The following PLAGL1 variants were observed in gnomAD, a reference collection of about 807,000 sequenced individuals.
PLAGL1 encodes PLAG1 like zinc finger 1, also known as zinc finger protein PLAGL1.
Under a neutral mutation model 4.6 loss-of-function variants are expected in PLAGL1, and 1 was observed. The observed-to-expected ratio is 0.22, with a 90% confidence interval of 0.08 to 1.03. The LOEUF (loss-of-function observed/expected upper bound fraction) is 1.03. Ranked by LOEUF, PLAGL1 falls within the 50% of genes least tolerant of loss-of-function variation. The pLI is 0.58. For missense variants in PLAGL1, 464 were observed against 570.4 expected (o/e 0.81, Z 1.90); for synonymous variants, 240 against 237.8 (o/e 1.01, Z -0.08).
Position 143,972,447 on chromosome 6 carries a change from C to T in PLAGL1, c.-543-3469G>A, listed in dbSNP as rs929097342. ...ATGTTTCCTTGTGATAATCTCAAGA[C>T]TTTTTCTTTAGTGTGTTCTAAAAAG... is the stretch of plus-strand genomic sequence containing the variant. On this transcript the variant is annotated intron_variant, in intron 2 of 7. Transcript: ENST00000674357. This position sits in a 1 kb window ranked among gnomAD's most constrained non-coding sequence, Gnocchi z 6.8. Among the ~76,000 whole-genome samples, 2 of 152,138 alleles carry T rather than the reference C, an allele frequency of 1.3e-5. No individual in the cohort carries two copies. Among genetic ancestry groups the T allele is most frequent in the African/African-American group, 4.8e-5 (2 of 41,440 alleles).
At chr6:144,058,196 G>C (rs1200697570) in intron 1 of PLAGL1, among the ~76,000 whole-genome samples, 1 of 152,168 alleles carries the variant, frequency 6.6e-6, no homozygotes, top group Non-Finnish European at 1.5e-5. Context: ...GGCAGAAGGT[G>C]ACAGGGACCC....
rs1413522193 is a variant in PLAGL1 at position 143,971,242 on chromosome 6, T to C, written c.-543-2264A>G. Among the ~76,000 whole-genome samples, 2 of 152,310 alleles carry C rather than the reference T, an allele frequency of 1.3e-5. No individual in the cohort carries two copies. Among genetic ancestry groups the C allele is most frequent in the East Asian group, 1.9e-4 (1 of 5,192 alleles). On this transcript the variant is annotated intron_variant, in intron 2 of 7. Coordinates refer to ENST00000674357, the MANE Select transcript of PLAGL1 (RefSeq NM_001317162.2). The surrounding 1 kb of genome is among the most constrained non-coding windows in gnomAD (Gnocchi z 4.7). Reference sequence around the variant, plus strand: ...ACGTTATTTGTACAACCCATACAAATGCCCCTTCCTCTACGAGATTCCTCC... The same window carrying C: ...ACGTTATTTGTACAACCCATACAAACGCCCCTTCCTCTACGAGATTCCTCC...
chr6:143,982,245 G>GA lies in PLAGL1; in HGVS notation c.-544+2889dup, dbSNP rs1362561329. Among the ~76,000 whole-genome samples the GA allele has an allele frequency of 3.3e-5, 5 of 152,212 alleles. No individual in the cohort carries two copies. The highest frequency in any genetic ancestry group is 2.6e-4 in the Admixed American group (4 of 15,282). ...GTCAATTTAAAACAGGCTGGTCAGG[G>GA]AAAAAGGCATGGGTGAGAGGATGAC... is the stretch of plus-strand genomic sequence containing the variant. On this transcript the variant is annotated intron_variant, in intron 2 of 7. Coordinates refer to ENST00000674357, the MANE Select transcript of PLAGL1 (RefSeq NM_001317162.2). The surrounding 1 kb of genome is among the most constrained non-coding windows in gnomAD (Gnocchi z 5.3).
At position 144,022,609 on chromosome 6, in the gene PLAGL1, G is replaced by C. The variant is rs1429573645; in HGVS notation, c.-151+41859C>G. ...GCTGGTAATTGAATCATGGGGACAG[G>C]TCTTTCCCATGCTGTTCTCACAATA... On this transcript the variant is annotated intron_variant, in intron 1 of 3. Coordinates refer to the PLAGL1 transcript ENST00000437412. This position sits in a 1 kb window ranked among gnomAD's most constrained non-coding sequence, Gnocchi z 4.2. Among the ~76,000 whole-genome samples, 1 of 152,152 alleles carries C rather than the reference G, an allele frequency of 6.6e-6. No individual in the cohort carries two copies. The highest frequency in any genetic ancestry group is 1.5e-5 in the Non-Finnish European group (1 of 68,022).
chr6:143,947,945 C>T lies in PLAGL1; in HGVS notation c.152+40G>A, dbSNP rs200775664. The T allele has an allele frequency of 8.9e-6, 14 of 1,574,828 alleles. No homozygotes were observed. Among genetic ancestry groups the T allele is most frequent in the African/African-American group, 6.7e-5 (5 of 74,158 alleles). ...CTGAGGGCTAGAAAAGCCATTTAAA[C>T]GTACTTCTAAAAGTGCATACCTTTG... On this transcript the variant is annotated intron_variant, in intron 7 of 7. Coordinates refer to ENST00000674357, the MANE Select transcript of PLAGL1 (RefSeq NM_001317162.2). This position sits in a 1 kb window ranked among gnomAD's most constrained non-coding sequence, Gnocchi z 4.3.
At chr6:144,043,902 T>C (rs1797929329) in intron 1 of PLAGL1, among the ~76,000 whole-genome samples, 1 of 152,344 alleles carries the variant, frequency 6.6e-6, no homozygotes, top group East Asian at 1.9e-4. Flanking sequence ...TGGTTTAGCC[T>C]TGGCAGGGTG....
Position 143,941,841 on chromosome 6 carries a change from A to G in PLAGL1, c.975T>C (p.Phe325=). 2.5e-6 allele frequency: 4 copies of G among 1,614,244 alleles called. No individual in the cohort carries two copies. The highest frequency in any genetic ancestry group is 3.4e-6 in the Non-Finnish European group (4 of 1,180,042). The change falls in exon 8 of 8, where the codon TTT becomes TTC. Residue 325 remains phenylalanine, a synonymous_variant. Transcript: ENST00000674357. The surrounding 1 kb of genome is among the most constrained non-coding windows in gnomAD (Gnocchi z 6.0). ...AGTCCTCAAACAAACTGATATTGCA[A>G]AAACCTTTAGTATCTGCTTTGAGGG... ...SLPLKADTKG[F]CNISLFEDLP...
chr6:144,020,937 C>CAT (rs1451501837), intron 1 of PLAGL1, among the ~76,000 whole-genome samples: 3 of 146,094 alleles, frequency 2.1e-5, no homozygotes, highest in South Asian at 2.2e-4. Flanking sequence ...ATATAAAATA[C>CAT]ATATATATAA....
rs1788635577 is a variant in PLAGL1 at position 143,984,630 on chromosome 6, A to C, written c.-544+505T>G. On this transcript the variant is annotated intron_variant, in intron 2 of 7. Coordinates refer to ENST00000674357, the MANE Select transcript of PLAGL1 (RefSeq NM_001317162.2). This position sits in a 1 kb window ranked among gnomAD's most constrained non-coding sequence, Gnocchi z 5.5. ...CTGTCAGAGAATGCAAATCCTTGTT[A>C]AGTTACTTTGTAACAATATTCTCCT... is the stretch of plus-strand genomic sequence containing the variant. Among the ~76,000 whole-genome samples the C allele has an allele frequency of 6.6e-6, 1 of 152,164 alleles. No homozygotes were observed. Among genetic ancestry groups the C allele is most frequent in the Admixed American group, 6.6e-5 (1 of 15,258 alleles).
rs984688151 is a variant in PLAGL1, at chr6:144,042,174, G to A, written c.-151+22294C>T. Among the ~76,000 whole-genome samples the A allele has an allele frequency of 2.4e-4, 36 of 152,186 alleles. No homozygotes were observed. The East Asian group carries it at 4.1e-3, about 17-fold the overall frequency. ...TCTTTTGCTGTGCAGAACCTCTTTC[G>A]TTTAATTAGATCCCATTTGTCTATT... On this transcript the variant is annotated intron_variant, in intron 1 of 3. Coordinates refer to the PLAGL1 transcript ENST00000437412.
chr6:144,011,874 C>T (rs1233694840), upstream of PLAGL1, among the ~76,000 whole-genome samples: 3 of 152,160 alleles, frequency 2.0e-5, no homozygotes, highest in Non-Finnish European at 4.4e-5. This position sits in a 1 kb window ranked among gnomAD's most constrained non-coding sequence, Gnocchi z 4.3. Context: ...CACAGTATCC[C>T]AGAAAGTGGG....
At chr6:144,052,833 T>C (rs1293672249) in intron 1 of PLAGL1, among the ~76,000 whole-genome samples, 6 of 152,304 alleles carry the variant, frequency 3.9e-5, no homozygotes, top group Non-Finnish European at 4.4e-5. Flanking sequence ...CTATCAACAA[T>C]GTGTTTAAAT....
chr6:144,016,749 T>C lies in PLAGL1; in HGVS notation c.-151+47719A>G, dbSNP rs2207851. Among the ~76,000 whole-genome samples the C allele has an allele frequency of 0.55, 83,767 of 152,114 alleles. 23,341 individuals are homozygous for C. The highest frequency in any genetic ancestry group is 0.62 in the Middle Eastern group (183 of 294). On this transcript the variant is annotated intron_variant, in intron 1 of 3. Coordinates refer to the PLAGL1 transcript ENST00000437412. This position sits in a 1 kb window ranked among gnomAD's most constrained non-coding sequence, Gnocchi z 4.2. ...CCTAAAATACATCCACTTGATTACA[T>C]GCAAATCATACTTCAGTAAGTGTCA...
chr6:143,991,996 C>T (rs944622689), intron 1 of PLAGL1, among the ~76,000 whole-genome samples: 6 of 152,288 alleles, frequency 3.9e-5, no homozygotes, highest in Middle Eastern at 3.4e-3. Context: ...TCCAAAAAGT[C>T]CACATTCAAA....
rs1380124593 is a variant in PLAGL1, at chr6:143,950,828, T to C, written c.-324-2368A>G. On this transcript the variant is annotated intron_variant, in intron 6 of 7. Coordinates refer to ENST00000674357, the MANE Select transcript of PLAGL1 (RefSeq NM_001317162.2). The surrounding 1 kb of genome is among the most constrained non-coding windows in gnomAD (Gnocchi z 6.3). Reference sequence around the variant, plus strand: ...TCTGCAATGATGGAAATGTTACAGATGTGATGGCTACTGAGCACTCAAAAT... The same window carrying C: ...TCTGCAATGATGGAAATGTTACAGACGTGATGGCTACTGAGCACTCAAAAT... Among the ~76,000 whole-genome samples the C allele has an allele frequency of 2.0e-5, 3 of 152,220 alleles. No individual in the cohort carries two copies. The highest frequency in any genetic ancestry group is 4.4e-5 in the Non-Finnish European group (3 of 68,028).
intron 1 of PLAGL1, among the ~76,000 whole-genome samples, chr6:144,014,794 G>A (rs1431973228): frequency 6.6e-6 from 1 of 152,006 alleles, no homozygotes; most frequent in Non-Finnish European, 1.5e-5. Context: ...TGCCCAGGCT[G>A]GTCTCAAACT....
chr6:143,990,064 C>T lies in PLAGL1; in HGVS notation c.-583-4890G>A, dbSNP rs1490715323. On this transcript the variant is annotated intron_variant, in intron 1 of 7. Coordinates refer to ENST00000674357, the MANE Select transcript of PLAGL1 (RefSeq NM_001317162.2). The surrounding 1 kb of genome is among the most constrained non-coding windows in gnomAD (Gnocchi z 5.4). ...CAAAATTTCTTATACATTATCTTCT[C>T]CCTTTTTACTAAAGATACTTGTCAT... 6.6e-6 allele frequency among the ~76,000 whole-genome samples: 1 copy of T among 152,176 alleles called. No homozygotes were observed. The highest frequency in any genetic ancestry group is 2.4e-5 in the African/African-American group (1 of 41,454).
chr6:144,032,119 G>T, intron 1 of PLAGL1, among the ~76,000 whole-genome samples: 1 of 142,820 alleles, frequency 7.0e-6, no homozygotes, highest in South Asian at 2.2e-4. Flanking sequence ...ATAACTTATT[G>T]CATTTTTTTT....
chr6:143,974,370 TCA>T (rs1431998761), intron 2 of PLAGL1, among the ~76,000 whole-genome samples: 5 of 151,738 alleles, frequency 3.3e-5, no homozygotes, highest in Admixed American at 6.6e-5. Context: ...CCCACAGGCA[TCA>T]GTACTGATCT....
Sources: gnomAD v4.1 joint callset for allele counts (sites outside exome capture counted in the v4.1 genomes callset) on GRCh38, gnomAD v4.1.1 for gene constraint, Gnocchi (gnomAD v3.1) non-coding constraint, MANE v1.5 for transcripts, NCBI Gene and HGNC (gene_info 2026-07-23, HGNC 2026-07-21) for gene names.